Variants in CDC42BPA observed in about 807,000 individuals in gnomAD.
CDC42BPA encodes CDC42 binding protein kinase alpha.
Under a neutral mutation model 223.5 loss-of-function variants are expected in CDC42BPA, and 80 were observed. That is an observed-to-expected ratio of 0.36 (90% confidence interval 0.30 to 0.43). The LOEUF is 0.43. Among genes scored for constraint, CDC42BPA ranks in the 20% least tolerant of loss-of-function variants. The probability of loss-of-function intolerance (pLI) is 1.00; values close to 1 mark genes in which losing one functional copy is unlikely to be tolerated. For synonymous variants in CDC42BPA, 694 were observed against 718.6 expected, an observed-to-expected ratio of 0.97 and a Z score of 0.55; for missense variants, 1,743 against 2,099.9, an observed-to-expected ratio of 0.83 and a Z score of 3.32.
chr1:227,065,120 A>AT (rs1262785797), intron 21 of CDC42BPA, among the ~76,000 whole-genome samples: 150 of 151,960 alleles, frequency 9.9e-4, no homozygotes, highest in African/African-American at 3.5e-3. Context: ...AAATAAATAA[A>AT]TAAATTAACT....
chr1:227,145,125 T>C (rs1364485101), intron 8 of CDC42BPA, among the ~76,000 whole-genome samples: 2 of 152,250 alleles, frequency 1.3e-5, no homozygotes, highest in African/African-American at 2.4e-5. Flanking sequence ...TGGTTGATTT[T>C]GATAATTTTG....
intron 1 of CDC42BPA, among the ~76,000 whole-genome samples, chr1:227,258,863 A>AT (rs57439652): frequency 0.13 from 19,177 of 151,024 alleles, 1,759 homozygotes; most frequent in Middle Eastern, 0.2. Flanking sequence ...TAAAAGACAA[A>AT]TTGCAAAAGA....
At chr1:227,052,351 C>G (rs759989903) in intron 21 of CDC42BPA, among the ~76,000 whole-genome samples, 2 of 152,046 alleles carry the variant, frequency 1.3e-5, no homozygotes, top group Admixed American at 6.6e-5. Flanking sequence ...GAGATACATA[C>G]GGCAGATTAA....
intron 6 of CDC42BPA, among the ~76,000 whole-genome samples, chr1:227,160,259 C>G (rs1478660395): frequency 6.6e-6 from 1 of 152,116 alleles, no homozygotes; most frequent in African/African-American, 2.4e-5. Flanking sequence ...ATCTAAAGTA[C>G]AACAGAAGTC....
At chr1:227,201,901 G>A (rs1331573158) in intron 3 of CDC42BPA, among the ~76,000 whole-genome samples, 1 of 151,854 alleles carries the variant, frequency 6.6e-6, no homozygotes, top group African/African-American at 2.4e-5. Flanking sequence ...CACACAGTAT[G>A]CTATATATAA....
intron 14 of CDC42BPA, chr1:227,111,976 C>T: frequency 5.6e-6 from 1 of 179,428 alleles, no homozygotes; most frequent in Non-Finnish European, 1.2e-5. Context: ...TACCCCTGAG[C>T]TTCTCCTGAG....
At chr1:227,119,140 G>C (rs1267427683) in intron 12 of CDC42BPA, among the ~76,000 whole-genome samples, 2 of 151,976 alleles carry the variant, frequency 1.3e-5, no homozygotes, top group African/African-American at 4.8e-5. Context: ...TGTTTGCAAT[G>C]GCTAGTATTA....
At chr1:227,015,949 G>T in intron 34 of CDC42BPA, 131 bp downstream of exon 34, 1 of 641,046 alleles carries the variant, frequency 1.6e-6, no homozygotes, top group South Asian at 2.1e-5. Flanking sequence ...TAGACATATT[G>T]TGGTATACTG....
At position 227,147,415 on chromosome 1, in the gene CDC42BPA, T is replaced by A; in HGVS notation, c.838A>T (p.Thr280Ser). 1 of 1,613,438 alleles carries A rather than the reference T, an allele frequency of 6.2e-7. No homozygotes were observed. The highest frequency in any genetic ancestry group is 8.5e-7 in the Non-Finnish European group (1 of 1,179,696). Residue 280 changes from threonine to serine, a missense_variant, in exon 7 of 37, where the codon ACA becomes TCA. Around this residue, in one of 6 missense-constraint regions of CDC42BPA, gnomAD observed 321 missense variants for 488.7 expected, o/e 0.66. Coordinates refer to ENST00000366766, the MANE Select transcript of CDC42BPA (RefSeq NM_001394014.1). ...VCMYEMLYGE[T>S]PFYAESLVET... ...ACCAGCGATTCTGCATAAAATGGTGTTTCTCCGTAAAGCATTTCATACATA... is the reference window on the plus strand; with the variant it reads ...ACCAGCGATTCTGCATAAAATGGTGATTCTCCGTAAAGCATTTCATACATA...
intron 29 of CDC42BPA, 145 bp from the exon 30 acceptor site, chr1:227,029,395 A>T: frequency 1.6e-6 from 1 of 613,776 alleles, no homozygotes; most frequent in Non-Finnish European, 2.8e-6. Context: ...AGATTATCCA[A>T]CCCATCATAA....
At chr1:227,061,826 T>C (rs1171036050) in intron 21 of CDC42BPA, among the ~76,000 whole-genome samples, 2 of 152,242 alleles carry the variant, frequency 1.3e-5, no homozygotes, top group East Asian at 3.8e-4. Context: ...CTTGGCTCAC[T>C]GCTACAATCT....
chr1:227,285,241 A>G (rs1312595829), intron 1 of CDC42BPA, among the ~76,000 whole-genome samples: 1 of 152,234 alleles, frequency 6.6e-6, no homozygotes, highest in Non-Finnish European at 1.5e-5. Context: ...TTAACAGGGA[A>G]GCATTTTAAA....
At chr1:227,112,542 T>A in intron 13 of CDC42BPA, 120 bp from the exon 14 acceptor site, 1 of 894,100 alleles carries the variant, frequency 1.1e-6, no homozygotes, top group South Asian at 3.8e-5. Context: ...AAATCCATAT[T>A]AAATAATATT....
At chr1:227,119,747 T>C in intron 12 of CDC42BPA, 57 bp downstream of exon 12, 1 of 1,176,726 alleles carries the variant, frequency 8.5e-7, no homozygotes, top group Non-Finnish European at 1.2e-6. Context: ...TCAGTATTCT[T>C]ATTATACAAG....
intron 5 of CDC42BPA, among the ~76,000 whole-genome samples, chr1:227,175,446 TATAA>T (rs971242192): frequency 1.3e-5 from 2 of 151,630 alleles, no homozygotes; most frequent in Admixed American, 1.3e-4. Flanking sequence ...TATATATATA[TATAA>T]ATAAATAACT....
intron 5 of CDC42BPA, among the ~76,000 whole-genome samples, chr1:227,168,801 G>A (rs950566664): frequency 6.6e-6 from 1 of 151,896 alleles, no homozygotes; most frequent in Non-Finnish European, 1.5e-5. Context: ...TCGGCCCCCT[G>A]GTGTTTCTTG....
intron 35 of CDC42BPA, among the ~76,000 whole-genome samples, chr1:227,003,171 T>A (rs1006375226): frequency 6.6e-6 from 1 of 152,204 alleles, no homozygotes; most frequent in Non-Finnish European, 1.5e-5. Context: ...ATCAGAAGAC[T>A]TGAATTCAAA....
rs556962861 is a variant in CDC42BPA at position 227,021,140 on chromosome 1, C to A, written c.4615+2123G>T. Among the ~76,000 whole-genome samples, 6 of 152,166 alleles carry A rather than the reference C, an allele frequency of 3.9e-5. No individual in the cohort carries two copies. The South Asian group carries it at 1.2e-3, about 32-fold the overall frequency. On this transcript the variant is annotated intron_variant, in intron 32 of 36. Coordinates refer to ENST00000366766, the MANE Select transcript of CDC42BPA (RefSeq NM_001394014.1). ...ACTGATCACAGATCACCGTAACAGA[C>A]AGAATAACAGTGAAAAAGTTTGAAA...
chr1:227,213,276 C>T, intron 2 of CDC42BPA, 57 bp from the exon 3 acceptor site: 1 of 901,612 alleles, frequency 1.1e-6, no homozygotes, highest in South Asian at 1.8e-5. Flanking sequence ...TTTTTTCAGC[C>T]ATCCATTTTC....
Sources: allele counts gnomAD v4.1 joint callset (sites outside exome capture counted in the v4.1 genomes callset), GRCh38; gene constraint gnomAD v4.1.1; regional missense constraint gnomAD v4.1.1; transcripts MANE v1.5; gene names NCBI Gene and HGNC (gene_info 2026-07-23, HGNC 2026-07-21).